The following RBFOX1 variants were observed in gnomAD, a reference collection of about 807,000 sequenced individuals.
RBFOX1 encodes RNA binding protein fox-1 homolog 1.
A neutral mutation model predicts 57.7 loss-of-function variants in RBFOX1; 8 were observed. That is an observed-to-expected ratio of 0.14 (90% confidence interval 0.08 to 0.25). The LOEUF is 0.25. Ranked by LOEUF, RBFOX1 falls within the 10% of genes least tolerant of loss-of-function variation. The pLI is 1.00. For synonymous variants in RBFOX1, 326 were observed against 222.4 expected (o/e 1.47, Z -4.15); for missense variants, 611 against 548.5 (o/e 1.11, Z -1.14).
chr16:7,349,026 C>G (rs190899941), intron 4 of RBFOX1, among the ~76,000 whole-genome samples: 17 of 152,256 alleles, frequency 1.1e-4, no homozygotes, highest in Admixed American at 6.5e-4. Flanking sequence ...TTCAGATTTT[C>G]TTGTAAATTT....
At chr16:6,549,856 C>T (rs754115212) in intron 2 of RBFOX1, among the ~76,000 whole-genome samples, 2 of 152,104 alleles carry the variant, frequency 1.3e-5, no homozygotes, top group Non-Finnish European at 2.9e-5. Context: ...AACACAAGCA[C>T]ACAGTAGTAG....
rs964006901 is a variant in RBFOX1, at chr16:7,270,670, T to C, written c.27+218572T>C. Among the ~76,000 whole-genome samples, 30 of 152,210 alleles carry C rather than the reference T, an allele frequency of 2.0e-4. 1 individual carries two copies. Among genetic ancestry groups the C allele is most frequent in the Admixed American group, 2.0e-3 (30 of 15,284 alleles). On this transcript the variant is annotated intron_variant, in intron 4 of 15. Coordinates refer to ENST00000550418, the MANE Select transcript of RBFOX1 (RefSeq NM_018723.4). ...GCTATTAGACAAACCTCTACTATTC[T>C]ACCTTCTCTTTAAAAATGGAAGCTC... is the stretch of plus-strand genomic sequence containing the variant.
chr16:5,347,241 G>T (rs1038006719), intron 1 of RBFOX1, among the ~76,000 whole-genome samples: 1 of 152,028 alleles, frequency 6.6e-6, no homozygotes, highest in Non-Finnish European at 1.5e-5. Context: ...ACCAGAATAT[G>T]AGCTTCTTAG....
Position 5,293,059 on chromosome 16 carries a change from G to A in RBFOX1, c.219+52954G>A, listed in dbSNP as rs2063574326. Among the ~76,000 whole-genome samples the A allele has an allele frequency of 2.6e-5, 4 of 152,040 alleles. No individual in the cohort carries two copies. In the South Asian group the frequency reaches 8.3e-4, roughly 32 times the overall value. On this transcript the variant is annotated intron_variant, in intron 1 of 2. Coordinates refer to the RBFOX1 transcript ENST00000585867. ...TTGGAGGCTGGGCACTGTGGCTCAT[G>A]CCTGTAATGCCAGTACTTTGGGAGG... is the stretch of plus-strand genomic sequence containing the variant.
intron 4 of RBFOX1, among the ~76,000 whole-genome samples, chr16:7,400,602 T>C (rs1202541505): frequency 6.6e-6 from 1 of 152,162 alleles, no homozygotes; most frequent in Non-Finnish European, 1.5e-5. Context: ...AATTTGGAAA[T>C]AGGTGGTATT....
chr16:7,174,409 A>G (rs889674447), intron 4 of RBFOX1, among the ~76,000 whole-genome samples: 31 of 152,186 alleles, frequency 2.0e-4, no homozygotes, highest in African/African-American at 7.0e-4. Context: ...GGGTGGATAT[A>G]TGCTTTCACC....
rs138595353 is a variant in RBFOX1 at position 6,720,382 on chromosome 16, G to C, written c.-16+65732G>C. On this transcript the variant is annotated intron_variant, in intron 3 of 15. Transcript: ENST00000550418. ...TCTTCCTAGCCATGCTACCTTTACA[G>C]ACTGCAGAACTGTGAACCATGTAAA... Among the ~76,000 whole-genome samples the C allele has an allele frequency of 9.0e-3, 1,371 of 152,284 alleles. 15 individuals are homozygous for C. Among genetic ancestry groups the C allele is most frequent in the African/African-American group, 0.031 (1,280 of 41,554 alleles).
chr16:5,618,094 C>G (rs527957620), intron 3 of RBFOX1, among the ~76,000 whole-genome samples: 1 of 152,300 alleles, frequency 6.6e-6, no homozygotes, highest in African/African-American at 2.4e-5. Flanking sequence ...ATTACTACCA[C>G]TCAGATCATG....
intron 4 of RBFOX1, among the ~76,000 whole-genome samples, chr16:7,301,304 G>T (rs1046087127): frequency 2.0e-5 from 3 of 152,216 alleles, no homozygotes; most frequent in Non-Finnish European, 4.4e-5. Flanking sequence ...CCCTGTGTGT[G>T]ATTGTGTTTG....
chr16:6,129,549 T>C (rs1360044310), intron 1 of RBFOX1, among the ~76,000 whole-genome samples: 1 of 152,038 alleles, frequency 6.6e-6, no homozygotes, highest in Non-Finnish European at 1.5e-5. Context: ...TAGTCTGATA[T>C]ATCTGTGATT....
intron 1 of RBFOX1, among the ~76,000 whole-genome samples, chr16:5,248,964 G>C (rs377192838): frequency 2.5e-5 from 3 of 120,814 alleles, no homozygotes; most frequent in Non-Finnish European, 4.8e-5. Context: ...CTCCAGCCTG[G>C]ACAACAGAGC....
intron 1 of RBFOX1, among the ~76,000 whole-genome samples, chr16:6,108,565 T>C (rs560176233): frequency 6.6e-6 from 1 of 152,188 alleles, no homozygotes; most frequent in South Asian, 2.1e-4. Context: ...ACTCAGAAAA[T>C]ATGGTGAGCT....
chr16:6,710,334 A>G (rs1192207750), intron 3 of RBFOX1, among the ~76,000 whole-genome samples: 1 of 152,248 alleles, frequency 6.6e-6, no homozygotes, highest in East Asian at 1.9e-4. Context: ...TTTTAACAGT[A>G]AAAATAAACA....
At chr16:7,008,131 A>G (rs1431008973) in intron 3 of RBFOX1, among the ~76,000 whole-genome samples, 1 of 152,232 alleles carries the variant, frequency 6.6e-6, no homozygotes, top group African/African-American at 2.4e-5. Flanking sequence ...TTCTCACTGA[A>G]AAAAATATAT....
At chr16:7,631,831 G>T (rs1476579115) in intron 11 of RBFOX1, among the ~76,000 whole-genome samples, 1 of 152,182 alleles carries the variant, frequency 6.6e-6, no homozygotes, top group Non-Finnish European at 1.5e-5. Flanking sequence ...CCTGTTACCA[G>T]CAGTCACAGG....
exon 3 of RBFOX1, chr16:5,599,563 C>A: frequency 3.4e-6 from 1 of 297,274 alleles, no homozygotes; most frequent in Non-Finnish European, 6.2e-6. Flanking sequence ...TGGTGCATTC[C>A]CCAAGTGTGA....
rs538287755 is a variant in RBFOX1, at chr16:6,127,517, G to A, written c.-127+107525G>A. 6.0e-4 allele frequency among the ~76,000 whole-genome samples: 92 copies of A among 152,254 alleles called. 1 individual carries two copies. Among genetic ancestry groups the A allele is most frequent in the Non-Finnish European group, 1.0e-3 (68 of 68,024 alleles). On this transcript the variant is annotated intron_variant, in intron 1 of 15. Coordinates refer to ENST00000550418, the MANE Select transcript of RBFOX1 (RefSeq NM_018723.4). ...TTAGAAACACGTAGCTTTGAATTCC[G>A]AAAGTGAGAATTAAGTTGACCTTGC...
chr16:5,413,147 C>T (rs200876377), intron 1 of RBFOX1, among the ~76,000 whole-genome samples: 2 of 152,136 alleles, frequency 1.3e-5, no homozygotes, highest in African/African-American at 2.4e-5. Flanking sequence ...CTCAGGAGTC[C>T]TGAGTGCAGC....
At chr16:6,769,199 G>A (rs7189999) in intron 3 of RBFOX1, among the ~76,000 whole-genome samples, 6,042 of 152,174 alleles carry the variant, frequency 0.04, 392 homozygotes, top group African/African-American at 0.14. Context: ...CATGAGATCC[G>A]ATGGTTTTAT....
Sources: gnomAD v4.1 joint callset for allele counts (sites outside exome capture counted in the v4.1 genomes callset) on GRCh38, gnomAD v4.1.1 for gene constraint, MANE v1.5 for transcripts, NCBI Gene and HGNC (gene_info 2026-07-23, HGNC 2026-07-21) for gene names.